The following CYP2R1 variants were observed in gnomAD, a reference collection of about 807,000 sequenced individuals.
CYP2R1 encodes the protein vitamin D 25-hydroxylase.
CYP2R1 carries 40 observed loss-of-function variants against 45.7 expected under a neutral mutation model. That is an observed-to-expected ratio of 0.87 (90% CI 0.68 to 1.14). CYP2R1 has a LOEUF of 1.14. Ranked by LOEUF, CYP2R1 falls within the 50% of genes most tolerant of loss-of-function variation. The probability of loss-of-function intolerance (pLI) is 0.00; values close to 1 mark genes in which losing one functional copy is unlikely to be tolerated. For missense variants in CYP2R1, 605 were observed against 602.6 expected (o/e 1.00, Z -0.04); for synonymous variants, 234 against 219.3 (o/e 1.07, Z -0.59).
Position 14,878,142 on chromosome 11 carries a change from TGAG to T in CYP2R1, c.1483_1485del (p.Leu495del). The T allele has an allele frequency of 6.2e-7, 1 of 1,612,838 alleles. No individual in the cohort carries two copies. The highest frequency in any genetic ancestry group is 8.5e-7 in the Non-Finnish European group (1 of 1,179,158). ...CAGTTTCAGCGTCTTTCAGCACAGA[TGAG>T]GTAGGGTTGGGGCTGCAATGTCATG... On this transcript the variant is annotated inframe_deletion, in exon 5 of 5. Transcript: ENST00000334636.
Position 14,878,231 on chromosome 11 carries a change from A to T in CYP2R1, c.1397T>A (p.Leu466His). Residue 466 changes from leucine to histidine, a missense_variant, in exon 5 of 5, where the codon CTT becomes CAT. Coordinates refer to ENST00000334636, the MANE Select transcript of CYP2R1 (RefSeq NM_024514.5). The stretch of plus-strand genomic sequence containing the variant: ...TGGAAAATGCAAATGAAACCTCTGA[A>T]GCAATGCTGTAAAAAACAAGAACAT... ...MEMFLFFTAL[L>H]QRFHLHFPHE... is the part of the protein sequence containing the mutation. 1 of 1,613,260 alleles carries T rather than the reference A, an allele frequency of 6.2e-7. No homozygotes were observed. Among genetic ancestry groups the T allele is most frequent in the East Asian group, 2.2e-5 (1 of 44,866 alleles).
At position 14,885,844 on chromosome 11, in the gene CYP2R1, A is replaced by G. The variant is rs201553303; in HGVS notation, c.299T>C (p.Val100Ala). Residue 100 changes from valine to alanine, a missense_variant, in exon 2 of 5, where the codon GTT becomes GCT. Physicochemically the swap from Val to Ala is moderately conservative, Grantham distance 64 (BLOSUM62 0). Transcript: ENST00000334636. The stretch of plus-strand genomic sequence containing the variant: ...GTCTGCAAAAATTTCGCTTTGATGA[A>G]CAAGGCATTCCTTTACTACATCATA... ...NGYDVVKECL[V>A]HQSEIFADRP... 1.2e-6 allele frequency: 2 copies of G among 1,613,686 alleles called. No homozygotes were observed. The highest frequency in any genetic ancestry group is 1.7e-6 in the Non-Finnish European group (2 of 1,179,786).
At chr11:14,885,215 G>C (rs767792675) in intron 2 of CYP2R1, among the ~76,000 whole-genome samples, 24 of 152,100 alleles carry the variant, frequency 1.6e-4, no homozygotes, top group Non-Finnish European at 2.8e-4. Flanking sequence ...ATTTTAGGCT[G>C]TCTGTTGCTG....
chr11:14,885,492 T>C (rs1555014099), intron 2 of CYP2R1, among the ~76,000 whole-genome samples: 1 of 152,212 alleles, frequency 6.6e-6, no homozygotes, highest in Non-Finnish European at 1.5e-5. Context: ...TATGTGTTTA[T>C]TCCTAACTTG....
chr11:14,878,246 A>G lies in CYP2R1; in HGVS notation c.1382T>C (p.Phe461Ser). Residue 461 changes from phenylalanine (F) to serine (S), a missense_variant, in exon 5 of 5, where the codon TTT (phenylalanine) becomes TCT (serine). Phe to Ser is a radical substitution (Grantham distance 155). Transcript: ENST00000334636. The stretch of plus-strand genomic sequence containing the variant: ...AAACCTCTGAAGCAATGCTGTAAAA[A>G]ACAAGAACATTTCCATCCGAGCCAA... The part of the protein sequence containing the change: ...EHLARMEMFL[F>S]FTALLQRFHL... 1 of 1,613,246 alleles carries G rather than the reference A, an allele frequency of 6.2e-7. No homozygotes were observed.
intron 1 of CYP2R1, chr11:14,890,308 G>T: frequency 4.3e-6 from 1 of 232,074 alleles, no homozygotes; most frequent in Non-Finnish European, 7.1e-6. Flanking sequence ...TATTTCTCTA[G>T]AATATTATGA....
At chr11:14,885,940 A>G (rs781855914) in intron 1 of CYP2R1, 23 bp from the exon 2 acceptor site, 33 of 1,610,276 alleles carry the variant, frequency 2.0e-5, no homozygotes, top group Non-Finnish European at 2.5e-5. Context: ...AAGAAAAACA[A>G]CATTTAAATG....
chr11:14,887,544 T>A (rs1308764366), intron 1 of CYP2R1: 6 of 938,444 alleles, frequency 6.4e-6, no homozygotes, highest in Non-Finnish European at 7.6e-6. Flanking sequence ...TATTCTTTGA[T>A]TTATTCAATA....
chr11:14,880,621 T>C lies in CYP2R1; in HGVS notation c.515A>G (p.Tyr172Cys), dbSNP rs782091488. Residue 172 changes from tyrosine (Y) to cysteine (C), a missense_variant, in exon 3 of 5, where the codon TAC becomes TGC. Tyr to Cys is a radical substitution (Grantham distance 194, BLOSUM62 -2). Transcript: ENST00000334636. ...TKFFNDAIETYKGRPFDFKQL... is the reference protein window; with the variant it reads ...TKFFNDAIETCKGRPFDFKQL... ...TTTAAAGTCAAAAGGTCTACCTTTG[T>C]ATGTTTCAATAGCATCATTGAAAAA... 4 of 1,608,446 alleles carry C rather than the reference T, an allele frequency of 2.5e-6. No individual in the cohort carries two copies. The East Asian group carries it at 8.9e-5, about 36-fold the overall frequency.
Position 14,885,932 on chromosome 11 carries a change from G to C in CYP2R1, c.226-15C>G, listed in dbSNP as rs372298377. 9.3e-6 allele frequency: 15 copies of C among 1,611,802 alleles called. No homozygotes were observed. Among genetic ancestry groups the C allele is most frequent in the Non-Finnish European group, 1.1e-5 (13 of 1,178,418 alleles). On this transcript the variant is annotated splice_polypyrimidine_tract_variant and intron_variant, in intron 1 of 4. Transcript: ENST00000334636. ...AAACTGAAGATCTTTGAGAAGAGAA[G>C]AAAAACAACATTTAAATGACAGCAT...
intron 3 of CYP2R1, 32 bp downstream of exon 3, chr11:14,880,104 A>G: frequency 1.2e-6 from 2 of 1,610,832 alleles, no homozygotes; most frequent in Non-Finnish European, 1.7e-6. Flanking sequence ...ACATGTAAGG[A>G]TAGACCCTGA....
intron 1 of CYP2R1, chr11:14,891,013 A>T: frequency 1.0e-6 from 1 of 985,452 alleles, no homozygotes; most frequent in Non-Finnish European, 1.2e-6. Context: ...CCAACTCCTT[A>T]AAAGGCTGTA....
chr11:14,887,232 AG>A (rs1487927910), intron 1 of CYP2R1: 1 of 152,282 alleles, frequency 6.6e-6, no homozygotes, highest in Non-Finnish European at 1.5e-5. Flanking sequence ...CTATGAAGGC[AG>A]AACAGAGGGC....
chr11:14,888,370 A>C (rs1320877240), intron 1 of CYP2R1, among the ~76,000 whole-genome samples: 3 of 152,228 alleles, frequency 2.0e-5, no homozygotes, highest in Admixed American at 6.5e-5. Flanking sequence ...AGAGACATAC[A>C]TTTAAACATA....
chr11:14,892,174 G>A lies in CYP2R1; in HGVS notation c.32C>T (p.Ala11Val), dbSNP rs370739004. The stretch of plus-strand genomic sequence containing the variant: ...GAAGAGCGCGCCGCCGAGCGCCGCC[G>A]CGCCCTCTTCAGCTCTCCAAAGCTT... MWKLWRAEEGAAALGGALFLL... is the reference protein window; with the variant it reads MWKLWRAEEGVAALGGALFLL... The change falls in exon 1 of 5, where the codon GCG becomes GTG. Residue 11 changes from alanine (A) to valine (V), a missense_variant. Ala to Val is a moderately conservative substitution (Grantham distance 64). Coordinates refer to ENST00000334636, the MANE Select transcript of CYP2R1 (RefSeq NM_024514.5). 9.3e-6 allele frequency: 15 copies of A among 1,610,672 alleles called. No individual in the cohort carries two copies. Among genetic ancestry groups the A allele is most frequent in the African/African-American group, 1.3e-5 (1 of 74,890 alleles).
chr11:14,883,347 T>C (rs1359221748), intron 2 of CYP2R1, among the ~76,000 whole-genome samples: 3 of 152,034 alleles, frequency 2.0e-5, no homozygotes, highest in African/African-American at 7.3e-5. Flanking sequence ...TATAGATCAA[T>C]GGAACAGAAC....
rs1555017282 is a variant in CYP2R1, at chr11:14,892,070, G to A, written c.136C>T (p.Leu46=). Reference sequence around the variant, plus strand: ...GAATAGATGTTGCCGATAAATGGCAGCCCCGGCGGCCCCGGGGGGAAGCCC... The same window carrying A: ...GAATAGATGTTGCCGATAAATGGCAACCCCGGCGGCCCCGGGGGGAAGCCC... ...PMGFPPGPPG[L]PFIGNIYSLA... is the part of the protein sequence containing the mutation. The change falls in exon 1 of 5, where the codon CTG becomes TTG. Residue 46 remains leucine (L), a synonymous_variant. Transcript: ENST00000334636. 1 of 1,611,752 alleles carries A rather than the reference G, an allele frequency of 6.2e-7. No homozygotes were observed.
chr11:14,878,254 C>T lies in CYP2R1; in HGVS notation c.1374G>A (p.Met458Ile). 1.2e-6 allele frequency: 2 copies of T among 1,613,000 alleles called. No homozygotes were observed. The highest frequency in any genetic ancestry group is 1.7e-6 in the Non-Finnish European group (2 of 1,179,382). The change falls in exon 5 of 5, where the codon ATG becomes ATA. Residue 458 changes from methionine to isoleucine, a missense_variant. Transcript: ENST00000334636. The stretch of plus-strand genomic sequence containing the variant: ...GAAGCAATGCTGTAAAAAACAAGAA[C>T]ATTTCCATCCGAGCCAAGTGTTCTC... The part of the protein sequence containing the change: ...CLGEHLARME[M>I]FLFFTALLQR...
chr11:14,879,474 G>C (rs1555011130), intron 3 of CYP2R1, 31 bp from the exon 4 acceptor site: 2 of 1,528,162 alleles, frequency 1.3e-6, no homozygotes, highest in Admixed American at 3.5e-5. Flanking sequence ...AAGTTATTAT[G>C]CAGTTCTTAG....
Sources: gnomAD v4.1 joint callset for allele counts (sites outside exome capture counted in the v4.1 genomes callset) on GRCh38, gnomAD v4.1.1 for gene constraint, MANE v1.5 for transcripts, NCBI Gene and HGNC (gene_info 2026-07-23, HGNC 2026-07-21) for gene names.